NR5A2: variants seen among roughly 807,000 people sequenced by gnomAD.
The protein encoded by NR5A2 is nuclear receptor subfamily 5 group A member 2, also known as CYP7A promoter-binding factor.
NR5A2 carries 26 observed loss-of-function variants against 62.7 expected under a neutral mutation model. That is an observed-to-expected ratio of 0.41 (90% CI 0.30 to 0.58). The LOEUF is 0.58. Among genes scored for constraint, NR5A2 ranks in the 20% least tolerant of loss-of-function variants. The pLI, the probability that NR5A2 is intolerant of heterozygous loss-of-function variation, is 0.22. For synonymous variants in NR5A2, 246 were observed against 241.7 expected (o/e 1.02, Z -0.16); for missense variants, 541 against 669.1 (o/e 0.81, Z 2.11).
At position 200,111,321 on chromosome 1, in the gene NR5A2, A is replaced by C. The variant is rs372177139; in HGVS notation, c.1230A>C (p.Gln410His). ...EGSIFLVTGQQVDYSIIASQA... is the reference protein window; with the variant it reads ...EGSIFLVTGQHVDYSIIASQA... ...CCATCTTCCTGGTTACTGGGCAACA[A>C]GTGAGTGTAGAGACCAAAAAAAAAA... is the stretch of plus-strand genomic sequence containing the variant. Residue 410 changes from glutamine to histidine, a missense_variant and splice_region_variant, in exon 6 of 8, where the codon CAA becomes CAC. By Grantham distance (24) the Gln-to-His change is conservative (BLOSUM62 0). Coordinates refer to ENST00000367362, the MANE Select transcript of NR5A2 (RefSeq NM_205860.3). The C allele has an allele frequency of 6.3e-7, 1 of 1,581,776 alleles. No homozygotes were observed. The highest frequency in any genetic ancestry group is 1.4e-5 in the African/African-American group (1 of 69,168).
intron 6 of NR5A2, among the ~76,000 whole-genome samples, chr1:200,116,587 G>A (rs965951037): frequency 6.6e-5 from 10 of 152,258 alleles, no homozygotes; most frequent in African/African-American, 2.4e-4. Context: ...CCAGTACATT[G>A]TATATTGAAA....
Position 200,074,736 on chromosome 1 carries a change from C to CAAAAAAAAAAAAAAAAAA in NR5A2, c.1110+25921_1110+25938dup, listed in dbSNP as rs199556915. Among the ~76,000 whole-genome samples the CAAAAAAAAAAAAAAAAAA allele has an allele frequency of 3.1e-3, 212 of 67,518 alleles. 8 individuals are homozygous for CAAAAAAAAAAAAAAAAAA. The highest frequency in any genetic ancestry group is 4.1e-3 in the Non-Finnish European group (152 of 37,320). The allele number at this position is 67,518 out of a possible 152,430, so 44.3% of individuals were successfully genotyped here. A position where few individuals can be genotyped will look rare whatever the true frequency, so the allele number is the denominator to read the frequency against. ...TGGGCGACAGGGCGAGAGTCCATCT[C>CAAAAAAAAAAAAAAAAAA]AAAAAAAAAAAAAAAAAAAACACGA... On this transcript the variant is annotated intron_variant, in intron 5 of 7. Coordinates refer to ENST00000367362, the MANE Select transcript of NR5A2 (RefSeq NM_205860.3).
rs1654406027 is a variant in NR5A2, at chr1:200,176,075, A to T, written c.*1865A>T. ...GGAACTTAGTTCAGGGACATAGAAG[A>T]GTCTTAATGAATTAAAATCATTCAC... On this transcript the variant is annotated 3_prime_UTR_variant, in exon 8 of 8. Transcript: ENST00000367362. 1 of 152,672 alleles carries T rather than the reference A, an allele frequency of 6.5e-6. No homozygotes were observed. The highest frequency in any genetic ancestry group is 2.4e-5 in the African/African-American group (1 of 41,472). 9.5% of individuals were successfully genotyped at this position (152,672 alleles called of 1,614,324 possible).
chr1:200,126,509 G>T (rs1407326560), intron 7 of NR5A2, among the ~76,000 whole-genome samples: 1 of 151,328 alleles, frequency 6.6e-6, no homozygotes. Flanking sequence ...CCAACTTCTA[G>T]ATTAAAAAGA....
chr1:200,055,925 G>A (rs928336635), intron 5 of NR5A2, among the ~76,000 whole-genome samples: 2 of 152,124 alleles, frequency 1.3e-5, no homozygotes, highest in Admixed American at 6.5e-5. Flanking sequence ...TTTTTCTTCC[G>A]CTGAAGGTAG....
At chr1:200,164,872 T>G (rs1653822354) in intron 7 of NR5A2, among the ~76,000 whole-genome samples, 2 of 138,794 alleles carry the variant, frequency 1.4e-5, no homozygotes. Flanking sequence ...GAGCAGTTTT[T>G]TTTTTTTTTT....
intron 7 of NR5A2, among the ~76,000 whole-genome samples, chr1:200,137,731 A>G (rs1346265204): frequency 6.6e-6 from 1 of 152,234 alleles, no homozygotes; most frequent in African/African-American, 2.4e-5. Context: ...TGAATTTCTT[A>G]GTATGTTTCT....
intron 2 of NR5A2, among the ~76,000 whole-genome samples, chr1:200,040,874 G>C (rs1016077504): frequency 6.6e-6 from 1 of 152,262 alleles, no homozygotes; most frequent in Non-Finnish European, 1.5e-5. Flanking sequence ...GCTGGAGGGC[G>C]TGCGCCGTGC....
chr1:200,168,609 T>A (rs1654024903), intron 7 of NR5A2, among the ~76,000 whole-genome samples: 1 of 152,180 alleles, frequency 6.6e-6, no homozygotes, highest in South Asian at 2.1e-4. Flanking sequence ...TATATTATTC[T>A]AAGGGACTTA....
At chr1:200,076,111 TC>T (rs1041629673) in intron 5 of NR5A2, among the ~76,000 whole-genome samples, 2 of 152,148 alleles carry the variant, frequency 1.3e-5, no homozygotes, top group African/African-American at 4.8e-5. Flanking sequence ...GTTTTTTTCC[TC>T]CCCTTTCTTC....
At chr1:200,155,260 A>G (rs1653322786) in intron 7 of NR5A2, among the ~76,000 whole-genome samples, 1 of 152,206 alleles carries the variant, frequency 6.6e-6, no homozygotes. Flanking sequence ...TGTGCACACA[A>G]TCTAACATTT....
Position 200,043,761 on chromosome 1 carries a change from C to G in NR5A2, c.203-13C>G, listed in dbSNP as rs2102155021. 1.3e-6 allele frequency: 2 copies of G among 1,538,056 alleles called. No individual in the cohort carries two copies. The highest frequency in any genetic ancestry group is 2.2e-5 in the East Asian group (1 of 44,480). On this transcript the variant is annotated splice_polypyrimidine_tract_variant and intron_variant, in intron 2 of 7. Transcript: ENST00000367362. The stretch of plus-strand genomic sequence containing the variant: ...TAATTGAATATGTGTATACATTTCT[C>G]TTTTTGTTTCAGTGTCTCAATTTAA...
At chr1:200,054,393 C>G (rs909300650) in intron 5 of NR5A2, among the ~76,000 whole-genome samples, 7 of 151,152 alleles carry the variant, frequency 4.6e-5, no homozygotes, top group African/African-American at 1.5e-4. Flanking sequence ...TTGAATATCT[C>G]ACAAACACAA....
intron 7 of NR5A2, among the ~76,000 whole-genome samples, chr1:200,127,692 AAAAAAAAAAAAAAAAAAATATAT>A (rs1463643208): frequency 1.0e-5 from 1 of 95,762 alleles, no homozygotes; most frequent in Non-Finnish European, 2.2e-5. Flanking sequence ...AAAAAAAAAA[AAAAAAAAAAAAAAAAAAATATAT>A]ATATATATAT....
intron 7 of NR5A2, among the ~76,000 whole-genome samples, chr1:200,170,178 T>C (rs1654107522): frequency 6.6e-6 from 1 of 152,154 alleles, no homozygotes; most frequent in Non-Finnish European, 1.5e-5. Flanking sequence ...GAGTTCAGAC[T>C]CCCAAGTTGC....
chr1:200,054,002 T>A (rs150718944), intron 5 of NR5A2: 21 of 152,238 alleles, frequency 1.4e-4, no homozygotes, highest in Non-Finnish European at 2.5e-4. Flanking sequence ...AAGCTGGGCA[T>A]GTTCAGTATG....
intron 7 of NR5A2, among the ~76,000 whole-genome samples, chr1:200,172,550 G>A (rs1654229510): frequency 6.6e-6 from 1 of 152,174 alleles, no homozygotes; most frequent in South Asian, 2.1e-4. Context: ...AACTATTTCA[G>A]TACTAATTCC....
chr1:200,166,258 T>C (rs939159365), intron 7 of NR5A2, among the ~76,000 whole-genome samples: 2 of 152,172 alleles, frequency 1.3e-5, no homozygotes, highest in African/African-American at 4.8e-5. Context: ...AAATTCTTAT[T>C]TCTTAGCCTT....
intron 5 of NR5A2, among the ~76,000 whole-genome samples, chr1:200,108,081 CGTGTGT>C (rs71132660): frequency 0.029 from 4,185 of 146,826 alleles, 153 homozygotes; most frequent in African/African-American, 0.083. Flanking sequence ...AGAAGACATA[CGTGTGT>C]GTGTGTGTGT....
Sources: gnomAD v4.1 joint callset for allele counts (sites outside exome capture counted in the v4.1 genomes callset) on GRCh38, gnomAD v4.1.1 for gene constraint, MANE v1.5 for transcripts, NCBI Gene and HGNC (gene_info 2026-07-23, HGNC 2026-07-21) for gene names.